HIBCH: variants seen among roughly 807,000 people sequenced by gnomAD.
HIBCH encodes the protein 3-hydroxyisobutyryl-CoA hydrolase, also known as 3-hydroxyisobutyryl-CoA hydrolase, mitochondrial.
In HIBCH, 50 loss-of-function variants were observed where a neutral mutation model predicts 58.2. The observed-to-expected ratio is 0.86, with a 90% CI of 0.68 to 1.09. The LOEUF is 1.09. Among genes scored for constraint, HIBCH ranks in the 50% least tolerant of loss-of-function variants. The pLI, the probability that HIBCH is intolerant of heterozygous loss-of-function variation, is 0.00. For missense variants in HIBCH, 450 were observed against 449.7 expected (o/e 1.00, Z -0.01); for synonymous variants, 151 against 146.9 (o/e 1.03, Z -0.20).
At chr2:190,205,543 C>T (rs1359256672) in intron 13 of HIBCH, among the ~76,000 whole-genome samples, 1 of 151,966 alleles carries the variant, frequency 6.6e-6, no homozygotes, top group East Asian at 1.9e-4. Flanking sequence ...AATAAAATTG[C>T]CAGTGAAACC....
chr2:190,232,802 C>T (rs1382222478), intron 11 of HIBCH, among the ~76,000 whole-genome samples: 1 of 151,868 alleles, frequency 6.6e-6, no homozygotes, highest in Non-Finnish European at 1.5e-5. Flanking sequence ...ACTAAAAGTA[C>T]AAAAAATTAG....
At chr2:190,314,595 C>T (rs1316520805) in intron 1 of HIBCH, among the ~76,000 whole-genome samples, 1 of 151,964 alleles carries the variant, frequency 6.6e-6, no homozygotes, top group African/African-American at 2.4e-5. Flanking sequence ...TCTCCTGCCT[C>T]AGCCTCCCGA....
At chr2:190,227,058 C>A (rs1250806447) in intron 11 of HIBCH, among the ~76,000 whole-genome samples, 1 of 152,104 alleles carries the variant, frequency 6.6e-6, no homozygotes, top group East Asian at 1.9e-4. Flanking sequence ...TGACTTTCTT[C>A]ACAGAATTGG....
chr2:190,203,118 C>T (rs1289617037), downstream of HIBCH: 2 of 167,034 alleles, frequency 1.2e-5, no homozygotes, highest in African/African-American at 4.8e-5. Flanking sequence ...TACTCAGTAT[C>T]ATTGGCCTTT....
rs1415490127 is a variant in HIBCH at position 190,310,764 on chromosome 2, A to T, written c.68T>A (p.Leu23Gln). Residue 23 changes from leucine (L) to glutamine (Q), a missense_variant, in exon 2 of 14, where the codon CTG (leucine) becomes CAG (glutamine). Physicochemically the swap from Leu to Gln is moderately radical, Grantham distance 113. Coordinates refer to ENST00000359678, the MANE Select transcript of HIBCH (RefSeq NM_014362.4). ...FNAFKRTNTI[L>Q]HHLRMSKHTD... ...AACACAATAACTTACCAAATGGTGC[A>T]GTATGGTATTAGTCCTTTTGAATGC... 1 of 1,609,088 alleles carries T rather than the reference A, an allele frequency of 6.2e-7. No individual in the cohort carries two copies. Among genetic ancestry groups the T allele is most frequent in the Admixed American group, 1.7e-5 (1 of 60,028 alleles).
At chr2:190,307,732 G>C (rs925909095) in intron 2 of HIBCH, among the ~76,000 whole-genome samples, 1 of 152,080 alleles carries the variant, frequency 6.6e-6, no homozygotes, top group African/African-American at 2.4e-5. Flanking sequence ...ATATTTCCCT[G>C]AATATTTTCA....
At chr2:190,192,450 ATCTGTGTGTGTGTGTG>A (rs1689756032) in intron 1 of HIBCH, among the ~76,000 whole-genome samples, 1 of 93,696 alleles carries the variant, frequency 1.1e-5, no homozygotes, top group African/African-American at 4.5e-5. Context: ...ATAATTCAGA[ATCTGTGTGTGTGTGTG>A]TGTGTGTGTG....
At chr2:190,193,895 T>A (rs1689838645) in intron 1 of HIBCH, among the ~76,000 whole-genome samples, 1 of 152,188 alleles carries the variant, frequency 6.6e-6, no homozygotes, top group Non-Finnish European at 1.5e-5. Context: ...TGATTTAAAC[T>A]TTTCTTCTTT....
At chr2:190,247,515 G>A (rs11692448) in intron 9 of HIBCH, among the ~76,000 whole-genome samples, 34,805 of 151,896 alleles carry the variant, frequency 0.23, 4,178 homozygotes, top group East Asian at 0.32. Flanking sequence ...TAATTTATTT[G>A]GTACTATTTC....
At chr2:190,238,799 C>T (rs946841792) in intron 11 of HIBCH, among the ~76,000 whole-genome samples, 1 of 152,218 alleles carries the variant, frequency 6.6e-6, no homozygotes, top group Non-Finnish European at 1.5e-5. Flanking sequence ...TGTTCACATC[C>T]TTCACCCACT....
downstream of HIBCH, chr2:190,200,076 T>C (rs370299265): frequency 1.1e-5 from 17 of 1,613,976 alleles, 1 homozygote; most frequent in South Asian, 7.7e-5. Context: ...TCTTGTGTGA[T>C]GCCTTGCAGC....
rs749608732 is a variant in HIBCH at position 190,216,464 on chromosome 2, A to G, written c.892-3389T>C. Among the ~76,000 whole-genome samples the G allele has an allele frequency of 3.9e-5, 6 of 152,184 alleles. No homozygotes were observed. In the South Asian group the frequency reaches 6.2e-4, roughly 16 times the overall value. ...GGCTGCAGAAGGTCTGGGGGGCTAT[A>G]TAAGTTAGATCAGAGGGTTGTAAAC... On this transcript the variant is annotated intron_variant, in intron 11 of 13. Coordinates refer to ENST00000359678, the MANE Select transcript of HIBCH (RefSeq NM_014362.4). The surrounding 1 kb of genome is among the most constrained non-coding windows in gnomAD (Gnocchi z 4.2).
intron 5 of HIBCH, among the ~76,000 whole-genome samples, chr2:190,288,172 T>A (rs2353895): frequency 1.8e-3 from 1 of 564 alleles, no homozygotes. Flanking sequence ...TTTTTTTTTT[T>A]TTAAAAAAAG....
At chr2:190,267,359 G>C (rs1238939256) in intron 6 of HIBCH, among the ~76,000 whole-genome samples, 1 of 151,988 alleles carries the variant, frequency 6.6e-6, no homozygotes, top group African/African-American at 2.4e-5. Context: ...CGCATGCCCT[G>C]CTAATTTTTG....
chr2:190,319,330 T>C (rs926534706), intron 1 of HIBCH, among the ~76,000 whole-genome samples: 4 of 152,206 alleles, frequency 2.6e-5, no homozygotes, highest in African/African-American at 9.6e-5. Context: ...GTGCAGCAAC[T>C]GGCAAAGCAC....
rs1687645434 is a variant in HIBCH at position 190,279,423 on chromosome 2, C to T, written c.438+8163G>A. ...CCATATCCTCAAAGTATTGTTTCAGCACCAACTCAAAATTCCGAAGTCCAG... is the reference window on the plus strand; with the variant it reads ...CCATATCCTCAAAGTATTGTTTCAGTACCAACTCAAAATTCCGAAGTCCAG... On this transcript the variant is annotated intron_variant, in intron 6 of 13. Transcript: ENST00000359678. The surrounding 1 kb of genome is among the most constrained non-coding windows in gnomAD (Gnocchi z 4.2). Among the ~76,000 whole-genome samples the T allele has an allele frequency of 6.6e-6, 1 of 152,158 alleles. No homozygotes were observed. Among genetic ancestry groups the T allele is most frequent in the African/African-American group, 2.4e-5 (1 of 41,438 alleles).
intron 1 of HIBCH, among the ~76,000 whole-genome samples, chr2:190,314,336 TAC>T (rs1559068429): frequency 1.1e-4 from 11 of 102,706 alleles, no homozygotes; most frequent in South Asian, 3.4e-4. Context: ...TATGTATATA[TAC>T]ATATATATGT....
intron 11 of HIBCH, among the ~76,000 whole-genome samples, chr2:190,219,382 G>A (rs1305290446): frequency 6.6e-6 from 1 of 152,126 alleles, no homozygotes; most frequent in Non-Finnish European, 1.5e-5. Flanking sequence ...GCAAACCACA[G>A]AAAAAACAGG....
At chr2:190,283,706 G>C (rs1687763336) in intron 6 of HIBCH, among the ~76,000 whole-genome samples, 1 of 152,144 alleles carries the variant, frequency 6.6e-6, no homozygotes. Flanking sequence ...CTTTAAGGAT[G>C]CATGTGGTTG....
Sources: allele counts gnomAD v4.1 joint callset (sites outside exome capture counted in the v4.1 genomes callset), GRCh38; gene constraint gnomAD v4.1.1; non-coding constraint Gnocchi (gnomAD v3.1); transcripts MANE v1.5; gene names NCBI Gene and HGNC (gene_info 2026-07-23, HGNC 2026-07-21).